Variants in RUVBL2 observed in about 807,000 individuals in gnomAD.
The protein encoded by RUVBL2 is ruvB-like 2.
A neutral mutation model predicts 57.9 loss-of-function variants in RUVBL2; 9 were observed. The ratio of observed to expected loss-of-function variants is 0.16; its 90% CI spans 0.09 to 0.27. The LOEUF (loss-of-function observed/expected upper bound fraction) is 0.27, where lower values mean the gene tolerates loss of function less well. Ranked by LOEUF, RUVBL2 falls within the 10% of genes least tolerant of loss-of-function variation. The pLI, the probability that RUVBL2 is intolerant of heterozygous loss-of-function variation, is 1.00. For missense variants in RUVBL2, 456 were observed against 669.6 expected (o/e 0.68, Z 3.52); for synonymous variants, 278 against 264.6 (o/e 1.05, Z -0.49).
In RUVBL2 at chr19:49,011,606, G is replaced by T. The variant is rs1473016636; in HGVS notation, c.1001+296G>T. On this transcript the variant is annotated intron_variant, in intron 11 of 14. Transcript: ENST00000595090. This position sits in a 1 kb window ranked among gnomAD's most constrained non-coding sequence, Gnocchi z 4.4. ...CAGGAAACTCACAGGAGTGCTGTGGGATGTTTTCTAGTCTTGAGGGAAGCA... is the reference window on the plus strand; with the variant it reads ...CAGGAAACTCACAGGAGTGCTGTGGTATGTTTTCTAGTCTTGAGGGAAGCA... 6.6e-6 allele frequency among the ~76,000 whole-genome samples: 1 copy of T among 152,200 alleles called. No individual in the cohort carries two copies. The highest frequency in any genetic ancestry group is 1.5e-5 in the Non-Finnish European group (1 of 68,044).
At chr19:48,995,901 T>G (rs2039047180) in intron 1 of RUVBL2, among the ~76,000 whole-genome samples, 1 of 150,226 alleles carries the variant, frequency 6.7e-6, no homozygotes, top group Admixed American at 6.6e-5. Flanking sequence ...GCAGGAGAAT[T>G]GCTTGAACCC....
intron 4 of RUVBL2, among the ~76,000 whole-genome samples, chr19:49,005,693 T>C (rs1348455199): frequency 6.6e-6 from 1 of 151,764 alleles, no homozygotes; most frequent in Non-Finnish European, 1.5e-5. Context: ...TGGAGTGCAG[T>C]GGTGTGATCT....
At chr19:49,012,941 G>A (rs767909936) in intron 11 of RUVBL2, among the ~76,000 whole-genome samples, 11 of 151,474 alleles carry the variant, frequency 7.3e-5, no homozygotes, top group Admixed American at 1.3e-4. Context: ...CTGGGACCAC[G>A]GGCATGCACC....
intron 6 of RUVBL2, 98 bp from the exon 7 acceptor site, chr19:49,009,678 G>A: frequency 9.8e-7 from 1 of 1,021,092 alleles, no homozygotes; most frequent in Non-Finnish European, 1.5e-6. Context: ...TGTGGAAGCA[G>A]AGGCCAGAGC....
At chr19:49,009,711 T>C in intron 6 of RUVBL2, 65 bp from the exon 7 acceptor site, 1 of 1,378,818 alleles carries the variant, frequency 7.3e-7, no homozygotes, top group Non-Finnish European at 1.0e-6. Context: ...TTATCAACAC[T>C]GGGGGCACTG....
Position 49,015,664 on chromosome 19 carries a change from C to T in RUVBL2, c.1344C>T (p.Asp448=), listed in dbSNP as rs757058036. 2.4e-5 allele frequency: 39 copies of T among 1,613,898 alleles called. No homozygotes were observed. Among genetic ancestry groups the T allele is most frequent in the East Asian group, 1.8e-4 (8 of 44,890 alleles). ...RSTQYMKEYQ[D]AFLFNELKGE... ...CGCAGTACATGAAGGAGTACCAGGA[C>T]GCCTTCCTCTTCAACGAACTCAGTA... Residue 448 remains aspartate (D), a synonymous_variant, in exon 14 of 15, where the codon GAC becomes GAT. Coordinates refer to ENST00000595090, the MANE Select transcript of RUVBL2 (RefSeq NM_006666.3).
chr19:49,009,963 C>A lies in RUVBL2; in HGVS notation c.570-10C>A. Reference sequence around the variant, plus strand: ...TTCCTTTCCTTACCCTACCCCCCATCCCCCTGTAGGGACGTGATCACCATC... The same window carrying A: ...TTCCTTTCCTTACCCTACCCCCCATACCCCTGTAGGGACGTGATCACCATC... On this transcript the variant is annotated splice_polypyrimidine_tract_variant and intron_variant, in intron 7 of 14. Coordinates refer to ENST00000595090, the MANE Select transcript of RUVBL2 (RefSeq NM_006666.3). 6.2e-7 allele frequency: 1 copy of A among 1,605,262 alleles called. No homozygotes were observed. Among genetic ancestry groups the A allele is most frequent in the Non-Finnish European group, 8.5e-7 (1 of 1,174,280 alleles).
In RUVBL2 at chr19:49,009,976, C is replaced by A. The variant is rs201204755; in HGVS notation, c.573C>A (p.Asp191Glu). ...SLTKDKVQAGDVITIDKATGK... is the reference protein window; with the variant it reads ...SLTKDKVQAGEVITIDKATGK... The stretch of plus-strand genomic sequence containing the variant: ...CCTACCCCCCATCCCCCTGTAGGGA[C>A]GTGATCACCATCGACAAGGCGACGG... Residue 191 changes from aspartate to glutamate, a missense_variant, in exon 8 of 15, where the codon GAC (aspartate) becomes GAA (glutamate). By Grantham distance (45) the Asp-to-Glu change is conservative. This residue lies in a region of RUVBL2 where 233 missense variants were observed against 306.0 expected (regional missense o/e 0.76). Transcript: ENST00000595090. 6.3e-7 allele frequency: 1 copy of A among 1,599,070 alleles called. No homozygotes were observed. Among genetic ancestry groups the A allele is most frequent in the South Asian group, 1.1e-5 (1 of 89,596 alleles).
chr19:49,001,102 A>C (rs1193778139), intron 2 of RUVBL2, among the ~76,000 whole-genome samples: 3 of 150,846 alleles, frequency 2.0e-5, no homozygotes, highest in Non-Finnish European at 4.4e-5. Context: ...ATGTGACTGC[A>C]CCATGCACTC....
intron 9 of RUVBL2, 124 bp downstream of exon 9, chr19:49,010,735 GC>G: frequency 7.3e-7 from 1 of 1,366,528 alleles, no homozygotes; most frequent in Non-Finnish European, 1.0e-6. Flanking sequence ...TGTAACTCCG[GC>G]CCGTGGCTGC....
chr19:49,003,330 G>A lies in RUVBL2; in HGVS notation c.119G>A (p.Arg40Gln), dbSNP rs371479586. Residue 40 changes from arginine to glutamine, a missense_variant, in exon 3 of 15, where the codon CGG becomes CAG. Arg to Gln is a conservative substitution (Grantham distance 43). Coordinates refer to ENST00000595090, the MANE Select transcript of RUVBL2 (RefSeq NM_006666.3). Reference sequence around the variant, plus strand: ...GGGCTGGACGATGCCTTGGAGCCTCGGCAGGTAGAGCAGAGGAGGCTGGGG... The same window carrying A: ...GGGCTGGACGATGCCTTGGAGCCTCAGCAGGTAGAGCAGAGGAGGCTGGGG... ...GLGLDDALEP[R>Q]QASQGMVGQL... is the part of the protein sequence containing the mutation. 1 of 1,613,860 alleles carries A rather than the reference G, an allele frequency of 6.2e-7. No homozygotes were observed. Among genetic ancestry groups the A allele is most frequent in the Non-Finnish European group, 8.5e-7 (1 of 1,179,956 alleles).
At chr19:48,998,116 A>T (rs1038276445) in intron 1 of RUVBL2, among the ~76,000 whole-genome samples, 14 of 152,194 alleles carry the variant, frequency 9.2e-5, no homozygotes, top group African/African-American at 3.4e-4. Flanking sequence ...TCGGGCTCCC[A>T]GGGAGGCCTT....
chr19:49,010,404 C>T (rs1175442310), intron 8 of RUVBL2, 84 bp from the exon 9 acceptor site: 4 of 1,344,100 alleles, frequency 3.0e-6, no homozygotes, highest in Admixed American at 1.7e-5. Context: ...GCTCCAGTCT[C>T]CCCCAGACAG....
At chr19:48,993,754 G>A, upstream of RUVBL2, 1 of 919,234 alleles carries the variant, frequency 1.1e-6, no homozygotes, top group Non-Finnish European at 1.7e-6. Context: ...GCCTCGGTGG[G>A]AGGGCGGGGC....
At chr19:49,013,809 G>T (rs192404177) in intron 11 of RUVBL2, among the ~76,000 whole-genome samples, 48 of 152,316 alleles carry the variant, frequency 3.2e-4, no homozygotes, top group Non-Finnish European at 6.2e-4. Flanking sequence ...AGCTACTTGG[G>T]AGGCTGAGGC....
chr19:48,996,522 G>GTA (rs1429723829), intron 1 of RUVBL2, among the ~76,000 whole-genome samples: 1 of 149,724 alleles, frequency 6.7e-6, no homozygotes, highest in Non-Finnish European at 1.5e-5. Flanking sequence ...GTGTGTGTGT[G>GTA]TGTGTGTGTG....
intron 8 of RUVBL2, 68 bp downstream of exon 8, chr19:49,010,134 C>A (rs1286226642): frequency 7.2e-7 from 1 of 1,398,404 alleles, no homozygotes; most frequent in African/African-American, 1.4e-5. Context: ...TCCATCACCC[C>A]CTTGACCCAT....
At chr19:49,010,639 C>T in intron 9 of RUVBL2, 28 bp downstream of exon 9, 2 of 1,612,108 alleles carry the variant, frequency 1.2e-6, no homozygotes, top group Non-Finnish European at 8.5e-7. Flanking sequence ...CTGCCCTGCC[C>T]TGCCCTGCCC....
chr19:49,013,898 G>A (rs903882698), intron 11 of RUVBL2, among the ~76,000 whole-genome samples: 4 of 152,246 alleles, frequency 2.6e-5, no homozygotes, highest in Non-Finnish European at 2.9e-5. Context: ...TCGCAACAGA[G>A]CGAGACTCCG....
Sources: gnomAD v4.1 joint callset for allele counts (sites outside exome capture counted in the v4.1 genomes callset) on GRCh38, gnomAD v4.1.1 for gene constraint, gnomAD v4.1.1 regional missense constraint, Gnocchi (gnomAD v3.1) non-coding constraint, MANE v1.5 for transcripts, NCBI Gene and HGNC (gene_info 2026-07-23, HGNC 2026-07-21) for gene names.